DNAH7: variants seen among roughly 807,000 people sequenced by gnomAD.
DNAH7 encodes the protein axonemal beta dynein heavy chain 7.
A neutral mutation model predicts 444.6 loss-of-function variants in DNAH7; 397 were observed. That is an observed-to-expected ratio of 0.89 (90% CI 0.82 to 0.97). The LOEUF (loss-of-function observed/expected upper bound fraction) is 0.97, where lower values mean the gene tolerates loss of function less well. Among genes scored for constraint, DNAH7 ranks in the 50% least tolerant of loss-of-function variants. The probability of loss-of-function intolerance (pLI) is 0.00; values close to 1 mark genes in which losing one functional copy is unlikely to be tolerated. For synonymous variants in DNAH7, 1,636 were observed against 1,624.4 expected (o/e 1.01, Z -0.17); for missense variants, 4,902 against 4,800.8 (o/e 1.02, Z -0.62).
chr2:195,960,483 C>A lies in DNAH7; in HGVS notation c.2668G>T (p.Gly890Cys). The change falls in exon 18 of 65, where the codon GGT becomes TGT. Residue 890 changes from glycine (G) to cysteine (C), a missense_variant. Gly to Cys is a radical substitution (Grantham distance 159, BLOSUM62 -3). Transcript: ENST00000312428. ...TCTTTGCTAGCTGCTTCACTAATAC[C>A]TTCAAATCGGTCTATATATGGTTCC... ...NLEPYIDRFE[G>C]ISEAASKEYS... 1 of 1,614,140 alleles carries A rather than the reference C, an allele frequency of 6.2e-7. No homozygotes were observed. Among genetic ancestry groups the A allele is most frequent in the Non-Finnish European group, 8.5e-7 (1 of 1,180,014 alleles).
chr2:195,812,462 T>G (rs1195299283), intron 51 of DNAH7, among the ~76,000 whole-genome samples: 1 of 152,228 alleles, frequency 6.6e-6, no homozygotes, highest in African/African-American at 2.4e-5. Flanking sequence ...ATATCCTAGT[T>G]AGATTTGGTT....
intron 45 of DNAH7, 151 bp from the exon 46 acceptor site, chr2:195,853,679 A>G (rs1409376637): frequency 2.8e-6 from 2 of 712,758 alleles, no homozygotes; most frequent in Non-Finnish European, 4.4e-6. Context: ...AAAGTCCATG[A>G]TATTTTAGAA....
At position 195,871,724 on chromosome 2, in the gene DNAH7, G is replaced by A. The variant is rs1236713425; in HGVS notation, c.6633+526C>T. ...GGGAAGGCGGATCACGAGGTCAGGAGATCGAGACCATCCCGGCTAAAACGG... is the reference window on the plus strand; with the variant it reads ...GGGAAGGCGGATCACGAGGTCAGGAAATCGAGACCATCCCGGCTAAAACGG... On this transcript the variant is annotated intron_variant, in intron 40 of 64. Transcript: ENST00000312428. 4.8e-5 allele frequency among the ~76,000 whole-genome samples: 4 copies of A among 84,080 alleles called. 1 individual carries two copies. The highest frequency in any genetic ancestry group is 4.1e-4 in the Admixed American group (4 of 9,834). The allele number at this position is 84,080 out of a possible 152,430, so 55.2% of individuals were successfully genotyped here. A position where few individuals can be genotyped will look rare whatever the true frequency, so the allele number is the denominator to read the frequency against.
chr2:195,994,306 T>C (rs1271092944), intron 12 of DNAH7: 2 of 505,266 alleles, frequency 4.0e-6, no homozygotes, highest in East Asian at 1.0e-4. Context: ...GCATCAAAGA[T>C]ATCACTGATG....
At chr2:196,001,080 AC>A (rs1694005354) in intron 11 of DNAH7, among the ~76,000 whole-genome samples, 197 bp from the exon 12 acceptor site, 1 of 152,106 alleles carries the variant, frequency 6.6e-6, no homozygotes, top group Non-Finnish European at 1.5e-5. Context: ...ATCCATTGGG[AC>A]TACAGGTCAA....
intron 48 of DNAH7, among the ~76,000 whole-genome samples, chr2:195,824,735 C>T (rs1424343875): frequency 6.6e-6 from 1 of 152,046 alleles, no homozygotes. Flanking sequence ...ACCAGGCGCC[C>T]AGGTATTATG....
At chr2:195,778,635 A>AAAAAAAAAT (rs1695199824) in intron 58 of DNAH7, among the ~76,000 whole-genome samples, 1 of 47,724 alleles carries the variant, frequency 2.1e-5, no homozygotes. Context: ...AAAAAAAATA[A>AAAAAAAAAT]ATAAATAAAT....
At chr2:195,787,407 T>C (rs955163113) in intron 57 of DNAH7, among the ~76,000 whole-genome samples, 7 of 152,146 alleles carry the variant, frequency 4.6e-5, no homozygotes, top group African/African-American at 1.7e-4. Flanking sequence ...CCCAGGTTTT[T>C]AGGAAGCATG....
Position 195,857,660 on chromosome 2 carries a change from T to G in DNAH7, c.8131A>C (p.Ile2711Leu). The G allele has an allele frequency of 6.2e-7, 1 of 1,613,668 alleles. No individual in the cohort carries two copies. The highest frequency in any genetic ancestry group is 8.5e-7 in the Non-Finnish European group (1 of 1,179,822). Residue 2711 changes from isoleucine to leucine, a missense_variant, in exon 44 of 65, where the codon ATA (isoleucine) becomes CTA (leucine). Physicochemically the swap from Ile to Leu is conservative, Grantham distance 5 (BLOSUM62 2). Transcript: ENST00000312428. ...GCTTTGATTCCTTTCAAGATGCATA[T>G]AGCTTCCATAACAAGCTTGACACCA... ...PAGVKLVMEAICILKGIKADK... is the reference protein window; with the variant it reads ...PAGVKLVMEALCILKGIKADK...
At chr2:195,798,537 A>ATTTTTTT (rs754058331) in intron 55 of DNAH7, among the ~76,000 whole-genome samples, 6 of 107,466 alleles carry the variant, frequency 5.6e-5, no homozygotes, top group Non-Finnish European at 7.8e-5. Flanking sequence ...AAATAGTAGA[A>ATTTTTTT]TTTTTTTTTT....
intron 15 of DNAH7, among the ~76,000 whole-genome samples, chr2:195,972,796 C>T (rs953344033): frequency 2.6e-5 from 4 of 152,196 alleles, no homozygotes; most frequent in Admixed American, 1.3e-4. Flanking sequence ...TGGGCACCTG[C>T]TATGGGCCTG....
intron 46 of DNAH7, among the ~76,000 whole-genome samples, chr2:195,847,059 C>CAT (rs57926663): frequency 0.098 from 13,658 of 139,446 alleles, 795 homozygotes; most frequent in African/African-American, 0.18. Context: ...TATAAACTCC[C>CAT]ATATATATAT....
intron 48 of DNAH7, 61 bp from the exon 49 acceptor site, chr2:195,824,506 T>C (rs1697625183): frequency 7.3e-7 from 1 of 1,370,304 alleles, no homozygotes; most frequent in East Asian, 2.6e-5. Context: ...ATATTATAAA[T>C]ATTCAACCCT....
intron 7 of DNAH7, among the ~76,000 whole-genome samples, chr2:196,024,915 G>C (rs1216514652): frequency 6.7e-6 from 1 of 148,984 alleles, no homozygotes; most frequent in East Asian, 2.0e-4. Flanking sequence ...TGCATCCATG[G>C]ATTCAACCAA....
chr2:195,866,554 T>C (rs192290196), intron 40 of DNAH7, among the ~76,000 whole-genome samples: 4 of 152,330 alleles, frequency 2.6e-5, no homozygotes, highest in Middle Eastern at 3.4e-3. Context: ...TGCCTAAGCA[T>C]GAAACAAGTA....
At position 195,754,384 on chromosome 2, in the gene DNAH7, T is replaced by G. The variant is rs1205623482; in HGVS notation, c.11717A>C (p.Asp3906Ala). The change falls in exon 63 of 65, where the codon GAC becomes GCC. Residue 3906 changes from aspartate to alanine, a missense_variant. Transcript: ENST00000312428. Reference protein sequence around the residue: ...YTIPIDLLGFDYEVMEDKEYK... With the variant: ...YTIPIDLLGFAYEVMEDKEYK... ...TTCTTTGTCTTCCATCACTTCATAG[T>G]CAAACCCAAGAAGATCAATAGGAAT... The G allele has an allele frequency of 6.2e-7, 1 of 1,614,026 alleles. No individual in the cohort carries two copies.
intron 54 of DNAH7, among the ~76,000 whole-genome samples, chr2:195,806,204 C>A (rs1574469101): frequency 6.6e-6 from 1 of 151,866 alleles, no homozygotes; most frequent in East Asian, 1.9e-4. Flanking sequence ...TTAATGAATA[C>A]TGACATTTGC....
intron 54 of DNAH7, 28 bp from the exon 55 acceptor site, chr2:195,799,500 A>T (rs779833484): frequency 6.6e-7 from 1 of 1,508,510 alleles, no homozygotes; most frequent in South Asian, 1.4e-5. Flanking sequence ...TATAGTTGGA[A>T]GAATATTCAA....
intron 12 of DNAH7, among the ~76,000 whole-genome samples, chr2:195,990,154 T>C (rs1001934543): frequency 1.3e-5 from 2 of 152,184 alleles, no homozygotes; most frequent in Non-Finnish European, 1.5e-5. Context: ...CTTGTCCAGA[T>C]CAATGTCATA....
Sources: allele counts gnomAD v4.1 joint callset (sites outside exome capture counted in the v4.1 genomes callset), GRCh38; gene constraint gnomAD v4.1.1; transcripts MANE v1.5; gene names NCBI Gene and HGNC (gene_info 2026-07-23, HGNC 2026-07-21).